GRK5: variants seen among roughly 807,000 people sequenced by gnomAD.
GRK5 encodes G protein-coupled receptor kinase 5.
Under a neutral mutation model 78.4 loss-of-function variants are expected in GRK5, and 40 were observed. That is an observed-to-expected ratio of 0.51 (90% CI 0.40 to 0.66). The LOEUF (loss-of-function observed/expected upper bound fraction) is 0.66. GRK5 is among the 30% of genes least tolerant of loss of function. The pLI, the probability that GRK5 is intolerant of heterozygous loss-of-function variation, is 0.00. For synonymous variants in GRK5, 289 were observed against 296.8 expected (o/e 0.97, Z 0.27); for missense variants, 598 against 759.9 (o/e 0.79, Z 2.50).
chr10:119,252,392 G>A (rs550930587), intron 1 of GRK5, among the ~76,000 whole-genome samples: 5 of 152,178 alleles, frequency 3.3e-5, no homozygotes, highest in African/African-American at 7.2e-5. Context: ...AGGGGCCAGC[G>A]TGCAGCCCTT....
chr10:119,417,525 C>T (rs1224430832), intron 4 of GRK5, among the ~76,000 whole-genome samples: 1 of 150,856 alleles, frequency 6.6e-6, no homozygotes, highest in African/African-American at 2.5e-5. Flanking sequence ...AGGACAGGCC[C>T]CTAGTTCTTC....
chr10:119,422,745 C>T (rs1461855884), intron 4 of GRK5, among the ~76,000 whole-genome samples: 1 of 152,260 alleles, frequency 6.6e-6, no homozygotes, highest in East Asian at 1.9e-4. Flanking sequence ...TGAGCTGGGT[C>T]ACGCTGCACA....
Position 119,291,528 on chromosome 10 carries a change from C to T in GRK5, c.53-34988C>T, listed in dbSNP as rs544264606. Among the ~76,000 whole-genome samples, 466 of 141,966 alleles carry T rather than the reference C, an allele frequency of 3.3e-3. 2 individuals are homozygous for T. Among genetic ancestry groups the T allele is most frequent in the Non-Finnish European group, 5.5e-3 (362 of 66,224 alleles). The allele number at this position is 141,966 out of a possible 152,430, so 93.1% of individuals were successfully genotyped here. A position where few individuals can be genotyped will look rare whatever the true frequency, so the allele number is the denominator to read the frequency against. ...CTGCTGCCTCCTCCTCCTCCTCTTC[C>T]TCCTCCTCCTCTTCCTCCTCCTCCT... On this transcript the variant is annotated intron_variant, in intron 1 of 15. Coordinates refer to ENST00000392870, the MANE Select transcript of GRK5 (RefSeq NM_005308.3).
At position 119,425,268 on chromosome 10, in the gene GRK5, T is replaced by TAC. The variant is rs112640010; in HGVS notation, c.533+211_533+212dup. Among the ~76,000 whole-genome samples, 1,174 of 126,702 alleles carry TAC rather than the reference T, an allele frequency of 9.3e-3. 7 individuals carry two copies. The highest frequency in any genetic ancestry group is 0.013 in the African/African-American group (505 of 38,382). The allele number at this position is 126,702 out of a possible 152,430, so 83.1% of individuals were successfully genotyped here. Reference sequence around the variant, plus strand: ...GTATGCTTATTCAAGCACACACACATACACACACACACACACACACACACA... The same window carrying TAC: ...GTATGCTTATTCAAGCACACACACATACACACACACACACACACACACACACA... On this transcript the variant is annotated intron_variant, in intron 6 of 15. Coordinates refer to ENST00000392870, the MANE Select transcript of GRK5 (RefSeq NM_005308.3).
chr10:119,214,429 T>C (rs1848537399), intron 1 of GRK5, among the ~76,000 whole-genome samples: 1 of 152,098 alleles, frequency 6.6e-6, no homozygotes, highest in Non-Finnish European at 1.5e-5. Context: ...GAGGGACCAG[T>C]ATGTGATTTA....
rs1849581265 is a variant in GRK5 at position 119,271,414 on chromosome 10, C to T, written c.53-55102C>T. ...TTGCTGTCCCAGAGACTGGCTGAAA[C>T]AATGTGTTTCCTACAGATTTTGTTT... On this transcript the variant is annotated intron_variant, in intron 1 of 15. Transcript: ENST00000392870. The surrounding 1 kb of genome is among the most constrained non-coding windows in gnomAD (Gnocchi z 4.1). 6.6e-6 allele frequency among the ~76,000 whole-genome samples: 1 copy of T among 152,240 alleles called. No individual in the cohort carries two copies. Among genetic ancestry groups the T allele is most frequent in the Admixed American group, 6.5e-5 (1 of 15,286 alleles).
rs1159796866 is a variant in GRK5 at position 119,445,572 on chromosome 10, G to A, written c.1266+1820G>A. Among the ~76,000 whole-genome samples the A allele has an allele frequency of 6.6e-6, 1 of 152,188 alleles. No individual in the cohort carries two copies. The highest frequency in any genetic ancestry group is 2.4e-5 in the African/African-American group (1 of 41,444). ...CTGCTGCTCCCGGAGGACCTGTCCC[G>A]TGGGTACAAAACCACTGTCCTCTGG... On this transcript the variant is annotated intron_variant, in intron 12 of 15. Coordinates refer to ENST00000392870, the MANE Select transcript of GRK5 (RefSeq NM_005308.3). This position sits in a 1 kb window ranked among gnomAD's most constrained non-coding sequence, Gnocchi z 4.1.
chr10:119,263,050 C>T (rs1849437910), intron 1 of GRK5, among the ~76,000 whole-genome samples: 1 of 152,102 alleles, frequency 6.6e-6, no homozygotes, highest in Non-Finnish European at 1.5e-5. Context: ...CTCTGCCATC[C>T]AGGCTGGAGT....
intron 1 of GRK5, among the ~76,000 whole-genome samples, chr10:119,241,164 C>A (rs1433619966): frequency 1.3e-5 from 2 of 152,198 alleles, no homozygotes; most frequent in Non-Finnish European, 2.9e-5. Context: ...CCTCCTCCGG[C>A]CTCAGCTTCC....
At chr10:119,319,526 AC>A (rs1166679050) in intron 1 of GRK5, among the ~76,000 whole-genome samples, 4 of 152,224 alleles carry the variant, frequency 2.6e-5, no homozygotes, top group African/African-American at 9.6e-5. Context: ...CCTGGCTACA[AC>A]CCCAGCTGTC....
intron 11 of GRK5, among the ~76,000 whole-genome samples, chr10:119,443,112 A>T (rs1272806770): frequency 6.6e-6 from 1 of 152,202 alleles, no homozygotes; most frequent in East Asian, 1.9e-4. Context: ...TCTATGGTAA[A>T]TCTGTAATTC....
chr10:119,232,649 G>A (rs1446548505), intron 1 of GRK5, among the ~76,000 whole-genome samples: 2 of 152,258 alleles, frequency 1.3e-5, no homozygotes, highest in South Asian at 2.1e-4. Context: ...ATAAAGGGGA[G>A]TTTCCCTGCA....
intron 1 of GRK5, among the ~76,000 whole-genome samples, chr10:119,272,507 C>T (rs1163138498): frequency 3.6e-5 from 5 of 139,120 alleles, no homozygotes; most frequent in East Asian, 2.2e-4. Context: ...ACCTGGGAGG[C>T]GGAGGTTGCA....
intron 1 of GRK5, among the ~76,000 whole-genome samples, chr10:119,261,331 T>C (rs1381219248): frequency 4.3e-5 from 6 of 140,214 alleles, no homozygotes; most frequent in East Asian, 4.3e-4. Context: ...CCTCACTTCC[T>C]AGATGGGATG....
At chr10:119,220,056 AG>A (rs1848635027) in intron 1 of GRK5, among the ~76,000 whole-genome samples, 1 of 152,220 alleles carries the variant, frequency 6.6e-6, no homozygotes. Flanking sequence ...GCTCATGGGC[AG>A]GGAGGCTGGA....
At chr10:119,281,443 T>A (rs1849760449) in intron 1 of GRK5, among the ~76,000 whole-genome samples, 1 of 152,198 alleles carries the variant, frequency 6.6e-6, no homozygotes, top group Non-Finnish European at 1.5e-5. Flanking sequence ...CCATTAGGTG[T>A]CGAGCACCCA....
At chr10:119,223,744 G>T (rs953010688) in intron 1 of GRK5, among the ~76,000 whole-genome samples, 2 of 150,010 alleles carry the variant, frequency 1.3e-5, no homozygotes, top group African/African-American at 2.4e-5. Flanking sequence ...TATTAGATAG[G>T]CTTCTTGCCT....
chr10:119,272,691 C>T (rs952108284), intron 1 of GRK5, among the ~76,000 whole-genome samples: 6 of 151,720 alleles, frequency 4.0e-5, no homozygotes, highest in East Asian at 1.9e-4. Flanking sequence ...AGAGCTTGGG[C>T]GGGGCCTAGC....
At chr10:119,209,562 G>T (rs564095759) in intron 1 of GRK5, among the ~76,000 whole-genome samples, 21 of 145,094 alleles carry the variant, frequency 1.4e-4, no homozygotes, top group African/African-American at 4.9e-4. Flanking sequence ...GTGCTGGTAG[G>T]CTCTCCTCTG....
Sources: gnomAD v4.1 joint callset for allele counts (sites outside exome capture counted in the v4.1 genomes callset) on GRCh38, gnomAD v4.1.1 for gene constraint, Gnocchi (gnomAD v3.1) non-coding constraint, MANE v1.5 for transcripts, NCBI Gene and HGNC (gene_info 2026-07-23, HGNC 2026-07-21) for gene names.